The following GRIN2A variants were observed in gnomAD, a reference collection of about 807,000 sequenced individuals.
GRIN2A encodes the protein glutamate ionotropic receptor NMDA type subunit 2A, also known as glutamate receptor ionotropic, NMDA 2A.
A neutral mutation model predicts 113.4 loss-of-function variants in GRIN2A; 22 were observed. That is an observed-to-expected ratio of 0.19 (90% CI 0.14 to 0.28). The LOEUF is 0.28. Among genes scored for constraint, GRIN2A ranks in the 10% least tolerant of loss-of-function variants. The pLI is 1.00. For synonymous variants in GRIN2A, 827 were observed against 738.4 expected, an observed-to-expected ratio of 1.12 and a Z score of -1.94; for missense variants, 1,502 against 1,887.0, an observed-to-expected ratio of 0.80 and a Z score of 3.78.
Position 9,761,212 on chromosome 16 carries a change from A to C in GRIN2A, c.*1937T>G, listed in dbSNP as rs958379215. 1 of 231,684 alleles carries C rather than the reference A, an allele frequency of 4.3e-6. No homozygotes were observed. The highest frequency in any genetic ancestry group is 1.8e-4 in the South Asian group (1 of 5,516). The allele number at this position is 231,684 out of a possible 1,614,324, so 14.4% of individuals were successfully genotyped here. A position where few individuals can be genotyped will look rare whatever the true frequency, so the allele number is the denominator to read the frequency against. ...GGTGTACTTTCCCAAAGATGGAGCT[A>C]TTCCATGCATCCTTGAGCTTTAAGG... is the stretch of plus-strand genomic sequence containing the variant. On this transcript the variant is annotated 3_prime_UTR_variant, in exon 13 of 13. Coordinates refer to ENST00000330684, the MANE Select transcript of GRIN2A (RefSeq NM_001134407.3).
intron 2 of GRIN2A, among the ~76,000 whole-genome samples, chr16:9,954,609 G>C (rs2045262689): frequency 1.3e-5 from 2 of 152,176 alleles, no homozygotes; most frequent in Admixed American, 1.3e-4. Flanking sequence ...ACAAGATGGT[G>C]ATTAGACAGT....
intron 2 of GRIN2A, among the ~76,000 whole-genome samples, chr16:10,116,510 A>C (rs72776021): frequency 0.042 from 6,387 of 152,330 alleles, 201 homozygotes; most frequent in Admixed American, 0.08. Context: ...ATGGAAGCTT[A>C]AGCAAAATGA....
chr16:9,766,414 C>T (rs1900926057), intron 12 of GRIN2A, among the ~76,000 whole-genome samples: 1 of 152,306 alleles, frequency 6.6e-6, no homozygotes, highest in South Asian at 2.1e-4. Flanking sequence ...GAACCGTAAA[C>T]ACAAAAGCCT....
intron 3 of GRIN2A, among the ~76,000 whole-genome samples, chr16:9,900,135 T>C (rs2043891718): frequency 6.6e-6 from 1 of 152,218 alleles, no homozygotes; most frequent in Non-Finnish European, 1.5e-5. Context: ...GTCATGGTTT[T>C]ATATAATTGT....
At chr16:9,981,127 C>A (rs2045884610) in intron 2 of GRIN2A, among the ~76,000 whole-genome samples, 1 of 151,402 alleles carries the variant, frequency 6.6e-6, no homozygotes, top group Non-Finnish European at 1.5e-5. Flanking sequence ...TGCTAAAGAA[C>A]TACAAGACAG....
chr16:9,980,262 G>A (rs1477323415), intron 2 of GRIN2A, among the ~76,000 whole-genome samples: 3 of 149,038 alleles, frequency 2.0e-5, no homozygotes, highest in African/African-American at 7.5e-5. Flanking sequence ...AACAGAGACT[G>A]TCTCAAAAAA....
At chr16:10,083,919 T>A (rs370185018) in intron 2 of GRIN2A, among the ~76,000 whole-genome samples, 8 of 152,220 alleles carry the variant, frequency 5.3e-5, no homozygotes, top group African/African-American at 1.7e-4. Flanking sequence ...CTGGCCAACA[T>A]GGTGAAACCC....
intron 3 of GRIN2A, among the ~76,000 whole-genome samples, chr16:9,917,999 G>A (rs2044284602): frequency 6.6e-6 from 1 of 151,998 alleles, no homozygotes; most frequent in Non-Finnish European, 1.5e-5. Context: ...TGGTTATTCC[G>A]AGAATTATAT....
In GRIN2A at chr16:10,109,042, T is replaced by G. The variant is rs529011945; in HGVS notation, c.414+70956A>C. Among the ~76,000 whole-genome samples the G allele has an allele frequency of 1.3e-3, 178 of 135,156 alleles. 2 individuals carry two copies. Among genetic ancestry groups the G allele is most frequent in the African/African-American group, 4.8e-3 (160 of 33,414 alleles). The allele number at this position is 135,156 out of a possible 152,430, so 88.7% of individuals were successfully genotyped here. A position where few individuals can be genotyped will look rare whatever the true frequency, so the allele number is the denominator to read the frequency against. On this transcript the variant is annotated intron_variant, in intron 2 of 12. Coordinates refer to ENST00000330684, the MANE Select transcript of GRIN2A (RefSeq NM_001134407.3). ...AAAAAAAAAAAAAAAAAAACAAAAT[T>G]GATAAACCTAGGTAGACTGATCAAG... is the stretch of plus-strand genomic sequence containing the variant.
chr16:9,998,218 T>C (rs1399034275), intron 2 of GRIN2A, among the ~76,000 whole-genome samples: 4 of 152,332 alleles, frequency 2.6e-5, no homozygotes, highest in Middle Eastern at 3.4e-3. Flanking sequence ...GGCACTGCGA[T>C]TGATATTTAG....
At chr16:10,086,825 A>G (rs900070848) in intron 2 of GRIN2A, among the ~76,000 whole-genome samples, 1 of 152,156 alleles carries the variant, frequency 6.6e-6, no homozygotes, top group Non-Finnish European at 1.5e-5. Context: ...CATTCCCACC[A>G]TGACACTCAT....
At chr16:10,021,052 T>C (rs1490758874) in intron 2 of GRIN2A, among the ~76,000 whole-genome samples, 17 of 152,254 alleles carry the variant, frequency 1.1e-4, no homozygotes, top group African/African-American at 3.1e-4. Context: ...TCAGCCCTAA[T>C]TGGCTGCAAT....
intron 2 of GRIN2A, among the ~76,000 whole-genome samples, chr16:10,002,758 C>T (rs1369979729): frequency 6.6e-6 from 1 of 152,166 alleles, no homozygotes; most frequent in East Asian, 1.9e-4. Flanking sequence ...TATTTCAAGA[C>T]AATCCAGAAT....
chr16:9,957,879 G>T (rs923366003), intron 2 of GRIN2A, among the ~76,000 whole-genome samples: 1 of 152,164 alleles, frequency 6.6e-6, no homozygotes, highest in Non-Finnish European at 1.5e-5. Context: ...TTTCAGCAGG[G>T]TTTTCACATT....
At chr16:10,047,328 A>C (rs1366487984) in intron 2 of GRIN2A, among the ~76,000 whole-genome samples, 1 of 152,206 alleles carries the variant, frequency 6.6e-6, no homozygotes, top group Non-Finnish European at 1.5e-5. Flanking sequence ...CTTCATCCAG[A>C]AAATCGGGGT....
chr16:10,120,934 C>A (rs1442797677), intron 2 of GRIN2A, among the ~76,000 whole-genome samples: 1 of 152,098 alleles, frequency 6.6e-6, no homozygotes, highest in African/African-American at 2.4e-5. Flanking sequence ...AACTTCAGCT[C>A]ATTGTGGCAT....
At position 10,180,576 on chromosome 16, in the gene GRIN2A, C is replaced by A; in HGVS notation, c.-18-147G>T. ...GGGATCACGGACTCCATTCCGAGTC[C>A]CCGACGCCATCCACATCCCTCGATC... On this transcript the variant is annotated intron_variant, in intron 1 of 12. Transcript: ENST00000330684. The surrounding 1 kb of genome is among the most constrained non-coding windows in gnomAD (Gnocchi z 7.0). The A allele has an allele frequency of 7.1e-7, 1 of 1,416,996 alleles. No homozygotes were observed. Among genetic ancestry groups the A allele is most frequent in the Non-Finnish European group, 9.4e-7 (1 of 1,065,732 alleles). The allele number at this position is 1,416,996 out of a possible 1,614,324, so 87.8% of individuals were successfully genotyped here. A position where few individuals can be genotyped will look rare whatever the true frequency, so the allele number is the denominator to read the frequency against.
At chr16:10,130,726 G>A (rs946771761) in intron 2 of GRIN2A, among the ~76,000 whole-genome samples, 18 of 152,116 alleles carry the variant, frequency 1.2e-4, no homozygotes, top group Admixed American at 2.6e-4. Context: ...TCTCCTTCTC[G>A]CTTCTCCTGC....
chr16:10,041,155 T>C (rs939927180), intron 2 of GRIN2A, among the ~76,000 whole-genome samples: 1 of 152,234 alleles, frequency 6.6e-6, no homozygotes, highest in Non-Finnish European at 1.5e-5. Context: ...GTGAAGGGAA[T>C]GTGTAAGACT....
Sources: allele counts gnomAD v4.1 joint callset (sites outside exome capture counted in the v4.1 genomes callset), GRCh38; gene constraint gnomAD v4.1.1; non-coding constraint Gnocchi (gnomAD v3.1); transcripts MANE v1.5; gene names NCBI Gene and HGNC (gene_info 2026-07-23, HGNC 2026-07-21).